Variants in NISCH observed in about 807,000 individuals in gnomAD.
The protein encoded by NISCH is I-1 receptor candidate protein.
Under a neutral mutation model 138.4 loss-of-function variants are expected in NISCH, and 55 were observed. That is an observed-to-expected ratio of 0.40 (90% confidence interval 0.32 to 0.50). The LOEUF (loss-of-function observed/expected upper bound fraction) is 0.50, where lower values mean the gene tolerates loss of function less well. NISCH is among the 20% of genes least tolerant of loss of function. NISCH has a pLI of 0.71. For missense variants in NISCH, 1,643 were observed against 2,005.5 expected, an observed-to-expected ratio of 0.82 and a Z score of 3.45; for synonymous variants, 860 against 861.5, an observed-to-expected ratio of 1.00 and a Z score of 0.03.
At chr3:52,481,518 G>A (rs978082411) in intron 13 of NISCH, 242 of 985,320 alleles carry the variant, frequency 2.5e-4, no homozygotes, top group Non-Finnish European at 2.8e-4. Flanking sequence ...CCCTGACGCT[G>A]CCTCCTGTAG....
chr3:52,470,016 C>G (rs1393131956), intron 3 of NISCH, among the ~76,000 whole-genome samples: 2 of 151,126 alleles, frequency 1.3e-5, no homozygotes, highest in Admixed American at 1.3e-4. Flanking sequence ...CCCAGGAGTT[C>G]CAAGCTGCAG....
At chr3:52,455,843 A>G in intron 1 of NISCH, 109 bp downstream of exon 1, 1 of 778,438 alleles carries the variant, frequency 1.3e-6, no homozygotes, top group Non-Finnish European at 1.8e-6. Context: ...GAGCGGGTAG[A>G]AGGGTCTGCG....
At chr3:52,468,752 G>A (rs1239898667) in intron 3 of NISCH, among the ~76,000 whole-genome samples, 2 of 151,966 alleles carry the variant, frequency 1.3e-5, no homozygotes, top group African/African-American at 2.4e-5. Flanking sequence ...TTTGTCCACG[G>A]GATACAGGGA....
intron 17 of NISCH, 124 bp from the exon 18 acceptor site, chr3:52,489,951 G>A (rs920902609): frequency 1.5e-6 from 2 of 1,361,422 alleles, no homozygotes; most frequent in Non-Finnish European, 2.0e-6. Context: ...CTGCCTTGAA[G>A]CATACGGATT....
At chr3:52,467,378 TG>T (rs1300362076) in intron 3 of NISCH, among the ~76,000 whole-genome samples, 13 of 152,178 alleles carry the variant, frequency 8.5e-5, no homozygotes, top group Admixed American at 8.5e-4. Context: ...TCAGCACAGA[TG>T]GGGTAGGGCA....
intron 3 of NISCH, among the ~76,000 whole-genome samples, chr3:52,462,982 A>G (rs1323000308): frequency 5.3e-5 from 8 of 152,222 alleles, no homozygotes; most frequent in Admixed American, 5.2e-4. Context: ...ATACCATAAA[A>G]TTAACTTTTT....
intron 13 of NISCH, among the ~76,000 whole-genome samples, chr3:52,483,574 GT>G (rs1415896491): frequency 6.6e-6 from 1 of 152,250 alleles, no homozygotes; most frequent in Non-Finnish European, 1.5e-5. Flanking sequence ...GACGCAGTGG[GT>G]CAGAGTGCTG....
intron 13 of NISCH, among the ~76,000 whole-genome samples, chr3:52,483,321 C>G (rs187760388): frequency 6.6e-6 from 1 of 152,126 alleles, no homozygotes; most frequent in Non-Finnish European, 1.5e-5. Flanking sequence ...TCAGAGGACT[C>G]GGGGTCATTT....
rs755540347 is a variant in NISCH at position 52,487,450 on chromosome 3, G to A, written c.1958G>A (p.Arg653His). ...GAAGAGGAGGACGTGGCTGAGAACCGCTACTTTGAAATGGGGCCCCCAGAC... is the reference window on the plus strand; with the variant it reads ...GAAGAGGAGGACGTGGCTGAGAACCACTACTTTGAAATGGGGCCCCCAGAC... ...EEEEEDVAEN[R>H]YFEMGPPDVE... The change falls in exon 16 of 21, where the codon CGC (arginine) becomes CAC (histidine). Residue 653 changes from arginine to histidine, a missense_variant. Coordinates refer to ENST00000345716, the MANE Select transcript of NISCH (RefSeq NM_007184.4). The surrounding 1 kb of genome is among the most constrained non-coding windows in gnomAD (Gnocchi z 9.1). The A allele has an allele frequency of 6.9e-6, 11 of 1,604,856 alleles. No individual in the cohort carries two copies. The highest frequency in any genetic ancestry group is 2.7e-5 in the African/African-American group (2 of 74,692).
At chr3:52,473,286 G>A (rs573910646) in intron 6 of NISCH, among the ~76,000 whole-genome samples, 27 of 152,208 alleles carry the variant, frequency 1.8e-4, no homozygotes, top group Admixed American at 3.3e-4. Context: ...GTGTGCTTGG[G>A]CAGGTGGCTT....
At chr3:52,460,814 G>A in intron 3 of NISCH, among the ~76,000 whole-genome samples, 1 of 152,212 alleles carries the variant, frequency 6.6e-6, no homozygotes, top group East Asian at 1.9e-4. Context: ...CTGAGTGATA[G>A]ATTTTCAGAT....
At chr3:52,471,747 A>G (rs371370447) in intron 4 of NISCH, 67 bp from the exon 5 acceptor site, 1 of 1,553,594 alleles carries the variant, frequency 6.4e-7, no homozygotes, top group Non-Finnish European at 8.9e-7. Context: ...GAAAAGGTGG[A>G]AATCCTGGCT....
chr3:52,481,005 C>T (rs1036560453), intron 13 of NISCH: 43 of 1,409,990 alleles, frequency 3.0e-5, no homozygotes, highest in Non-Finnish European at 3.5e-5. Context: ...GAAAGGACGC[C>T]GCCTGCCCGG....
At position 52,471,800 on chromosome 3, in the gene NISCH, C is replaced by T. The variant is rs1370859926; in HGVS notation, c.410-14C>T. On this transcript the variant is annotated splice_polypyrimidine_tract_variant and intron_variant, in intron 4 of 20. Coordinates refer to ENST00000345716, the MANE Select transcript of NISCH (RefSeq NM_007184.4). ...GCGGCTGGACACTTATCCTTCAGGG[C>T]ATGGCTCTTGCAGGAGAACAGCTCC... 1 of 1,613,892 alleles carries T rather than the reference C, an allele frequency of 6.2e-7. No individual in the cohort carries two copies. Among genetic ancestry groups the T allele is most frequent in the Non-Finnish European group, 8.5e-7 (1 of 1,179,878 alleles).
chr3:52,478,563 G>C lies in NISCH; in HGVS notation c.1288G>C (p.Glu430Gln). ...GACCAAGGTGCTGGCTCAGTTCGGAGAGAGGGCCTCAGAGGTGAGCCCCAG... is the reference window on the plus strand; with the variant it reads ...GACCAAGGTGCTGGCTCAGTTCGGACAGAGGGCCTCAGAGGTGAGCCCCAG... ...YRTKVLAQFG[E>Q]RASEVCLDDT... The change falls in exon 11 of 21, where the codon GAG becomes CAG. Residue 430 changes from glutamate (E) to glutamine (Q), a missense_variant. Coordinates refer to ENST00000345716, the MANE Select transcript of NISCH (RefSeq NM_007184.4). The C allele has an allele frequency of 6.2e-7, 1 of 1,614,172 alleles. No individual in the cohort carries two copies. The highest frequency in any genetic ancestry group is 8.5e-7 in the Non-Finnish European group (1 of 1,180,026).
intron 7 of NISCH, 68 bp from the exon 8 acceptor site, chr3:52,476,379 G>A (rs1707097264): frequency 3.2e-6 from 5 of 1,562,770 alleles, no homozygotes; most frequent in African/African-American, 1.4e-5. Context: ...ATTCTGCAAC[G>A]ACTGTGTTCC....
At chr3:52,481,892 T>C (rs1304882369) in intron 13 of NISCH, 1 of 985,390 alleles carries the variant, frequency 1.0e-6, no homozygotes, top group Non-Finnish European at 1.2e-6. Context: ...ACCTCTTAAA[T>C]AAAACTGCAG....
chr3:52,480,661 G>C (rs1486570547), intron 13 of NISCH: 2 of 1,423,682 alleles, frequency 1.4e-6, no homozygotes, highest in Admixed American at 3.0e-5. Flanking sequence ...GTTACAGGAA[G>C]CCGGGCTTGT....
At position 52,476,286 on chromosome 3, in the gene NISCH, A is replaced by G. The variant is rs1431314837; in HGVS notation, c.766-161A>G. On this transcript the variant is annotated intron_variant, in intron 7 of 20. Transcript: ENST00000345716. ...TTGTTCAGCTTTGAACGATTTCACA[A>G]TCGTTTAAAGACATAGGAACCAAAG... 2.3e-5 allele frequency: 17 copies of G among 723,858 alleles called. No homozygotes were observed. In the East Asian group the frequency reaches 3.8e-4, roughly 16 times the overall value. 44.8% of individuals were successfully genotyped at this position (723,858 alleles called of 1,614,324 possible).
Sources: allele counts gnomAD v4.1 joint callset (sites outside exome capture counted in the v4.1 genomes callset), GRCh38; gene constraint gnomAD v4.1.1; non-coding constraint Gnocchi (gnomAD v3.1); transcripts MANE v1.5; gene names NCBI Gene and HGNC (gene_info 2026-07-23, HGNC 2026-07-21).